Variants in CTNNA3 observed in about 807,000 individuals in gnomAD.
CTNNA3 encodes the protein catenin alpha 3.
CTNNA3 carries 76 observed loss-of-function variants against 95.7 expected under a neutral mutation model. The observed-to-expected ratio is 0.79, with a 90% CI of 0.66 to 0.96. The LOEUF (loss-of-function observed/expected upper bound fraction) is 0.96, where lower values mean the gene tolerates loss of function less well. Ranked by LOEUF, CTNNA3 falls within the 40% of genes least tolerant of loss-of-function variation. CTNNA3 has a pLI of 0.00. For missense variants in CTNNA3, 1,191 were observed against 1,089.8 expected (o/e 1.09, Z -1.31); for synonymous variants, 431 against 374.4 (o/e 1.15, Z -1.74).
intron 1 of CTNNA3, among the ~76,000 whole-genome samples, chr10:67,704,357 T>C (rs11812948): frequency 0.11 from 16,870 of 152,146 alleles, 1,275 homozygotes; most frequent in African/African-American, 0.22. Context: ...GGAGGCATCA[T>C]GCTACCTGAC....
chr10:67,521,798 C>T (rs1839995226), intron 5 of CTNNA3, 44 bp downstream of exon 5: 1 of 1,596,868 alleles, frequency 6.3e-7, no homozygotes. Flanking sequence ...GGCAGGAAGC[C>T]TAAAGTGTTC....
rs535095553 is a variant in CTNNA3, at chr10:66,748,307, T to A, written c.1281+17957A>T. Among the ~76,000 whole-genome samples the A allele has an allele frequency of 4.5e-4, 69 of 152,340 alleles. No homozygotes were observed. In the East Asian group the frequency reaches 5.0e-3, roughly 11 times the overall value. On this transcript the variant is annotated intron_variant, in intron 9 of 17. Transcript: ENST00000433211. ...TCACTGACTTCAAGGTTACCTTTTT[T>A]AAAAATTATACTACTGCTTTCATGT...
At chr10:66,482,669 C>T (rs12260872) in intron 11 of CTNNA3, among the ~76,000 whole-genome samples, 9,403 of 152,020 alleles carry the variant, frequency 0.062, 602 homozygotes, top group African/African-American at 0.16. Flanking sequence ...CTTGTCTGAA[C>T]ATTTTTCACA....
chr10:66,670,076 A>G (rs1312694365), intron 9 of CTNNA3, among the ~76,000 whole-genome samples: 1 of 152,142 alleles, frequency 6.6e-6, no homozygotes, highest in Non-Finnish European at 1.5e-5. Flanking sequence ...TTCCCTAAAC[A>G]TTCTTTAAGG....
At chr10:67,445,151 G>T (rs2132944899) in intron 5 of CTNNA3, among the ~76,000 whole-genome samples, 1 of 149,818 alleles carries the variant, frequency 6.7e-6, no homozygotes, top group East Asian at 2.0e-4. Context: ...ACAGAAAAAA[G>T]AAAACTTGCA....
chr10:66,881,133 T>G (rs1844835666), intron 7 of CTNNA3, among the ~76,000 whole-genome samples: 1 of 152,018 alleles, frequency 6.6e-6, no homozygotes, highest in Admixed American at 6.6e-5. Context: ...CCAGTACCCA[T>G]GGATGTTTCT....
intron 11 of CTNNA3, among the ~76,000 whole-genome samples, chr10:66,437,334 A>G (rs889058218): frequency 1.2e-4 from 19 of 152,170 alleles, no homozygotes; most frequent in African/African-American, 4.6e-4. Flanking sequence ...CCAATCAAAA[A>G]AGTTTGGTCT....
chr10:66,524,839 C>A (rs567383155), intron 10 of CTNNA3, among the ~76,000 whole-genome samples: 11 of 152,082 alleles, frequency 7.2e-5, no homozygotes, highest in Non-Finnish European at 1.5e-4. Context: ...CTCCTGAGGT[C>A]AGGAGTGCGA....
chr10:66,096,509 T>C (rs1014626215), intron 14 of CTNNA3, among the ~76,000 whole-genome samples: 3 of 144,688 alleles, frequency 2.1e-5, no homozygotes, highest in African/African-American at 7.5e-5. Flanking sequence ...TTCTTTTTTC[T>C]TTCTTTTCTT....
At chr10:66,691,370 C>G (rs1847529941) in intron 9 of CTNNA3, among the ~76,000 whole-genome samples, 1 of 152,182 alleles carries the variant, frequency 6.6e-6, no homozygotes, top group Non-Finnish European at 1.5e-5. Context: ...GCACAGCAGA[C>G]TGAGATCAAA....
At chr10:67,446,202 A>AC (rs1191468203) in intron 5 of CTNNA3, among the ~76,000 whole-genome samples, 1 of 152,134 alleles carries the variant, frequency 6.6e-6, no homozygotes, top group African/African-American at 2.4e-5. Flanking sequence ...ACTTAAGCCT[A>AC]CACCCCTTCT....
chr10:67,587,538 A>T (rs1463232018), intron 3 of CTNNA3, among the ~76,000 whole-genome samples: 1 of 152,130 alleles, frequency 6.6e-6, no homozygotes. Flanking sequence ...ATATCATGCA[A>T]TTCTTTTCTG....
At chr10:66,836,112 C>T (rs978350855) in intron 7 of CTNNA3, among the ~76,000 whole-genome samples, 1 of 152,172 alleles carries the variant, frequency 6.6e-6, no homozygotes, top group Non-Finnish European at 1.5e-5. Flanking sequence ...TTTGCCAATT[C>T]TGTAGCAAAT....
chr10:67,357,400 A>G (rs1323814760), intron 5 of CTNNA3, among the ~76,000 whole-genome samples: 10 of 152,272 alleles, frequency 6.6e-5, no homozygotes, highest in Non-Finnish European at 1.5e-4. Flanking sequence ...GATGCATATT[A>G]ATACAGAGAA....
chr10:67,480,321 G>A (rs1481803454), intron 5 of CTNNA3, among the ~76,000 whole-genome samples: 1 of 152,174 alleles, frequency 6.6e-6, no homozygotes, highest in Non-Finnish European at 1.5e-5. Context: ...TATCCCTGAT[G>A]AACACAGATG....
intron 5 of CTNNA3, among the ~76,000 whole-genome samples, chr10:67,450,741 T>A (rs1433285954): frequency 2.0e-5 from 3 of 151,906 alleles, no homozygotes; most frequent in Non-Finnish European, 4.4e-5. Flanking sequence ...GACACAAATT[T>A]ACCTATATAA....
chr10:66,809,345 T>G (rs904075514), intron 7 of CTNNA3, among the ~76,000 whole-genome samples: 1 of 152,184 alleles, frequency 6.6e-6, no homozygotes, highest in African/African-American at 2.4e-5. Context: ...ATTAAATAAT[T>G]TTTAAAATAT....
chr10:66,049,456 G>A (rs1453175710), intron 15 of CTNNA3, among the ~76,000 whole-genome samples: 3 of 152,152 alleles, frequency 2.0e-5, no homozygotes, highest in Non-Finnish European at 2.9e-5. Context: ...CAGAGGAATA[G>A]AAATCATTCT....
intron 9 of CTNNA3, among the ~76,000 whole-genome samples, chr10:66,686,037 GCA>G (rs1218065066): frequency 6.6e-6 from 1 of 152,032 alleles, no homozygotes; most frequent in Non-Finnish European, 1.5e-5. Context: ...ATTTCCATAT[GCA>G]CAGTTTATGT....
Sources: gnomAD v4.1 joint callset for allele counts (sites outside exome capture counted in the v4.1 genomes callset) on GRCh38, gnomAD v4.1.1 for gene constraint, MANE v1.5 for transcripts, NCBI Gene and HGNC (gene_info 2026-07-23, HGNC 2026-07-21) for gene names.